LRMDA: variants seen among roughly 807,000 people sequenced by gnomAD.
The protein encoded by LRMDA is leucine rich melanocyte differentiation associated, also known as leucine-rich melanocyte differentiation-associated protein.
LRMDA carries 18 observed loss-of-function variants against 29.8 expected under a neutral mutation model. That is an observed-to-expected ratio of 0.60 (90% CI 0.42 to 0.90). The LOEUF is 0.90. LRMDA is among the 40% of genes least tolerant of loss of function. The pLI is 0.00. For synonymous variants in LRMDA, 125 were observed against 109.4 expected (o/e 1.14, Z -0.89); for missense variants, 273 against 273.9 (o/e 1.00, Z 0.02).
intron 5 of LRMDA, among the ~76,000 whole-genome samples, chr10:76,277,686 G>T (rs561900348): frequency 6.6e-6 from 1 of 152,156 alleles, no homozygotes; most frequent in Non-Finnish European, 1.5e-5. Context: ...AGTGTGAATG[G>T]CTTCTTAATT....
chr10:75,719,949 C>G (rs1017614274), intron 2 of LRMDA, among the ~76,000 whole-genome samples: 11 of 152,266 alleles, frequency 7.2e-5, no homozygotes, highest in African/African-American at 2.6e-4. Context: ...CCTCATAATT[C>G]AGAGATTGAA....
At chr10:75,735,797 G>A (rs1273242933) in intron 2 of LRMDA, among the ~76,000 whole-genome samples, 1 of 152,092 alleles carries the variant, frequency 6.6e-6, no homozygotes, top group African/African-American at 2.4e-5. Flanking sequence ...AGATATTCAC[G>A]AGTCCACCCG....
chr10:75,561,382 C>A (rs1314356496), intron 2 of LRMDA, among the ~76,000 whole-genome samples: 3 of 149,478 alleles, frequency 2.0e-5, no homozygotes, highest in South Asian at 4.4e-4. Flanking sequence ...ATGGTGATAT[C>A]CCCTTTATCA....
intron 2 of LRMDA, among the ~76,000 whole-genome samples, chr10:75,716,714 G>A (rs1004687592): frequency 6.6e-6 from 1 of 152,174 alleles, no homozygotes; most frequent in African/African-American, 2.4e-5. Flanking sequence ...TCCTTCTCAT[G>A]TGTCTCTTTT....
At chr10:75,580,722 T>G (rs1376692859) in intron 2 of LRMDA, among the ~76,000 whole-genome samples, 1 of 152,036 alleles carries the variant, frequency 6.6e-6, no homozygotes. Flanking sequence ...AAAACAGAGA[T>G]ATAGACCAAT....
At chr10:76,071,457 C>T (rs1206045057) in intron 5 of LRMDA, among the ~76,000 whole-genome samples, 1 of 152,152 alleles carries the variant, frequency 6.6e-6, no homozygotes, top group Non-Finnish European at 1.5e-5. Context: ...GATTAGATTA[C>T]AAAATATTTT....
At chr10:75,812,910 C>G (rs1332392703) in intron 2 of LRMDA, among the ~76,000 whole-genome samples, 1 of 152,158 alleles carries the variant, frequency 6.6e-6, no homozygotes, top group East Asian at 1.9e-4. Context: ...CATTCCATCT[C>G]TCTTTGGCTT....
chr10:76,109,205 G>C (rs1471910172), intron 5 of LRMDA, among the ~76,000 whole-genome samples: 1 of 152,124 alleles, frequency 6.6e-6, no homozygotes, highest in African/African-American at 2.4e-5. Context: ...CCAAAGTGGT[G>C]AGCACTTTGC....
intron 2 of LRMDA, among the ~76,000 whole-genome samples, chr10:76,023,831 C>T (rs1848017121): frequency 6.6e-6 from 1 of 152,204 alleles, no homozygotes; most frequent in South Asian, 2.1e-4. Flanking sequence ...TTTTCTGAGG[C>T]AACTAATTTC....
chr10:76,269,546 A>G (rs774118005), intron 5 of LRMDA, among the ~76,000 whole-genome samples: 1 of 152,128 alleles, frequency 6.6e-6, no homozygotes, highest in Non-Finnish European at 1.5e-5. Context: ...ATAGATACAT[A>G]CTATATCTAT....
chr10:76,372,842 C>T (rs1589155424), intron 6 of LRMDA, among the ~76,000 whole-genome samples: 1 of 151,976 alleles, frequency 6.6e-6, no homozygotes, highest in Non-Finnish European at 1.5e-5. Context: ...TTTGTGGCTT[C>T]AGCTGAACTT....
intron 2 of LRMDA, among the ~76,000 whole-genome samples, chr10:75,684,397 C>T (rs372201649): frequency 1.3e-5 from 2 of 152,148 alleles, no homozygotes; most frequent in South Asian, 2.1e-4. Context: ...ATGAATGTCA[C>T]CTTTGGGGCC....
At chr10:76,196,084 C>G (rs897553511) in intron 5 of LRMDA, among the ~76,000 whole-genome samples, 5 of 152,114 alleles carry the variant, frequency 3.3e-5, no homozygotes, top group African/African-American at 1.2e-4. Flanking sequence ...ATTGTTGGCC[C>G]GAGGTGAGGC....
intron 2 of LRMDA, among the ~76,000 whole-genome samples, chr10:75,716,293 G>A (rs1263097560): frequency 6.6e-6 from 1 of 152,168 alleles, no homozygotes; most frequent in Non-Finnish European, 1.5e-5. Context: ...AATTGAGGGT[G>A]GCACTTAGGT....
At chr10:76,190,038 A>G (rs897747783) in intron 5 of LRMDA, among the ~76,000 whole-genome samples, 1 of 152,170 alleles carries the variant, frequency 6.6e-6, no homozygotes, top group African/African-American at 2.4e-5. Context: ...GTGCTAGCAT[A>G]GCCTCGACCT....
intron 6 of LRMDA, among the ~76,000 whole-genome samples, chr10:76,512,078 C>A (rs1001581255): frequency 6.6e-6 from 1 of 152,178 alleles, no homozygotes; most frequent in Non-Finnish European, 1.5e-5. Flanking sequence ...TTCGCCCATA[C>A]TGTTCTCGTG....
At chr10:75,604,104 A>G (rs1840923491) in intron 2 of LRMDA, among the ~76,000 whole-genome samples, 2 of 152,110 alleles carry the variant, frequency 1.3e-5, no homozygotes, top group East Asian at 3.9e-4. Context: ...GTGACCCCCC[A>G]ATGTGCCTTT....
chr10:75,653,528 T>C (rs1841626409), intron 2 of LRMDA, among the ~76,000 whole-genome samples: 1 of 152,166 alleles, frequency 6.6e-6, no homozygotes, highest in Admixed American at 6.5e-5. Context: ...AGTTGCAGGG[T>C]AACAATGTAA....
rs981548924 is a variant in LRMDA at position 75,814,578 on chromosome 10, C to T, written c.132-221430C>T. Among the ~76,000 whole-genome samples, 21 of 147,788 alleles carry T rather than the reference C, an allele frequency of 1.4e-4. 1 individual carries two copies. The highest frequency in any genetic ancestry group is 1.3e-3 in the Admixed American group (18 of 14,388). ...ATTTTCCCTTCCCCAGCCTTGGCCC[C>T]GCCACCTGAAACATTCATGTTCTTC... On this transcript the variant is annotated intron_variant, in intron 2 of 6. Coordinates refer to ENST00000611255, the MANE Select transcript of LRMDA (RefSeq NM_001305581.2).
Sources: gnomAD v4.1 joint callset for allele counts (sites outside exome capture counted in the v4.1 genomes callset) on GRCh38, gnomAD v4.1.1 for gene constraint, MANE v1.5 for transcripts, NCBI Gene and HGNC (gene_info 2026-07-23, HGNC 2026-07-21) for gene names.